IGLL5: variants seen among roughly 807,000 people sequenced by gnomAD.
The protein encoded by IGLL5 is immunoglobulin lambda-like polypeptide 5.
In IGLL5, 30 loss-of-function variants were observed where a neutral mutation model predicts 20.9. That is an observed-to-expected ratio of 1.44 (90% CI 1.07 to 1.95). The LOEUF (loss-of-function observed/expected upper bound fraction) is 1.95. IGLL5 is among the 30% of genes most tolerant of loss of function. The pLI, the probability that IGLL5 is intolerant of heterozygous loss-of-function variation, is 0.00. For missense variants in IGLL5, 475 were observed against 270.7 expected (o/e 1.75, Z -5.30); for synonymous variants, 203 against 117.3 (o/e 1.73, Z -4.72).
rs2066741427 is a variant in IGLL5 at position 22,895,335 on chromosome 22, TTC to T, written c.326-38_326-37del. On this transcript the variant is annotated intron_variant, in intron 2 of 2. Transcript: ENST00000526893. ...AGAGGGGCTCCACAACACCCCGGTA[TTC>T]TGTCTGCCCTCTCTCACCCCCTTCC... is the stretch of plus-strand genomic sequence containing the variant. 7.6e-6 allele frequency: 12 copies of T among 1,575,292 alleles called. No individual in the cohort carries two copies. In the South Asian group the frequency reaches 1.2e-4, roughly 16 times the overall value.
At chr22:22,889,517 A>C (rs2067728454) in intron 1 of IGLL5, among the ~76,000 whole-genome samples, 2 of 151,350 alleles carry the variant, frequency 1.3e-5, no homozygotes, top group South Asian at 2.1e-4. Context: ...ATTATTAGTG[A>C]TGGGAGAAAA....
intron 1 of IGLL5, among the ~76,000 whole-genome samples, chr22:22,888,816 G>A (rs2067650971): frequency 1.3e-5 from 2 of 151,448 alleles, no homozygotes; most frequent in East Asian, 2.0e-4. Flanking sequence ...GAGCTGTCCA[G>A]TCATTGGAAC....
At chr22:22,888,819 A>T (rs1393217214) in intron 1 of IGLL5, among the ~76,000 whole-genome samples, 4 of 151,392 alleles carry the variant, frequency 2.6e-5, no homozygotes, top group South Asian at 2.1e-4. Context: ...CTGTCCAGTC[A>T]TTGGAACAGG....
intron 1 of IGLL5, among the ~76,000 whole-genome samples, 177 bp downstream of exon 1, chr22:22,888,436 A>C (rs143682027): frequency 9.2e-5 from 14 of 151,366 alleles, no homozygotes; most frequent in Middle Eastern, 3.7e-3. Flanking sequence ...TGTTTGAATT[A>C]CTGTTTTTAA....
chr22:22,887,960 G>C lies in IGLL5; in HGVS notation c.-94G>C. 9.9e-7 allele frequency: 1 copy of C among 1,011,880 alleles called. No individual in the cohort carries two copies. Among genetic ancestry groups the C allele is most frequent in the South Asian group, 1.4e-5 (1 of 72,886 alleles). 62.7% of individuals were successfully genotyped at this position (1,011,880 alleles called of 1,614,324 possible). A position where few individuals can be genotyped will look rare whatever the true frequency, so the allele number is the denominator to read the frequency against. On this transcript the variant is annotated 5_prime_UTR_variant, in exon 1 of 3. Transcript: ENST00000526893. Reference sequence around the variant, plus strand: ...CAGAGCCAATGGACTGGGGTGTACTGTAACAGCCCTGCTGGCGAGAGGGAC... The same window carrying C: ...CAGAGCCAATGGACTGGGGTGTACTCTAACAGCCCTGCTGGCGAGAGGGAC...
At chr22:22,888,623 T>G (rs2067623660) in intron 1 of IGLL5, among the ~76,000 whole-genome samples, 6 of 151,276 alleles carry the variant, frequency 4.0e-5, no homozygotes, top group East Asian at 4.1e-4. Context: ...TGCCCAGGCC[T>G]GTTCCTCCCC....
At chr22:22,894,291 A>C (rs1601625342) in intron 2 of IGLL5, among the ~76,000 whole-genome samples, 2 of 151,284 alleles carry the variant, frequency 1.3e-5, no homozygotes, top group African/African-American at 2.4e-5. Flanking sequence ...GGAGGGCCAC[A>C]CGGCCTGGTG....
At chr22:22,891,912 T>C (rs529888277) in intron 1 of IGLL5, among the ~76,000 whole-genome samples, 14 of 151,294 alleles carry the variant, frequency 9.3e-5, no homozygotes, top group African/African-American at 3.4e-4. Flanking sequence ...TCCGTGTGTG[T>C]GTGTGTGTTT....
At chr22:22,894,111 T>C (rs935400292) in intron 2 of IGLL5, among the ~76,000 whole-genome samples, 10 of 151,316 alleles carry the variant, frequency 6.6e-5, no homozygotes, top group South Asian at 2.1e-4. Flanking sequence ...CAGAGGCTGG[T>C]TCTGATGAGG....
At chr22:22,889,345 A>C (rs9620187) in intron 1 of IGLL5, among the ~76,000 whole-genome samples, 1 of 151,108 alleles carries the variant, frequency 6.6e-6, no homozygotes, top group Admixed American at 6.6e-5. Flanking sequence ...GTCTATGGGC[A>C]TTAAAAATGT....
intron 1 of IGLL5, among the ~76,000 whole-genome samples, chr22:22,892,489 T>G (rs2067880271): frequency 1.3e-5 from 2 of 151,006 alleles, no homozygotes; most frequent in African/African-American, 2.4e-5. Context: ...TGTGTCATGC[T>G]AGGATGTCTA....
At chr22:22,894,454 G>C (rs144126173) in intron 2 of IGLL5, among the ~76,000 whole-genome samples, 1 of 151,476 alleles carries the variant, frequency 6.6e-6, no homozygotes, top group African/African-American at 2.4e-5. Flanking sequence ...AACCCTCCCA[G>C]GACAGTCACC....
rs1172670567 is a variant in IGLL5 at position 22,893,639 on chromosome 22, CT to C, written c.207-60del. ...CACCTCTAGGGGGCTGGCCACCCCC[CT>C]GCCTCATGTCTAGGTCCCAGCCCCG... is the stretch of plus-strand genomic sequence containing the variant. On this transcript the variant is annotated intron_variant, in intron 1 of 2. Transcript: ENST00000526893. 18 of 1,056,612 alleles carry C rather than the reference CT, an allele frequency of 1.7e-5. No individual in the cohort carries two copies. The East Asian group carries it at 4.1e-4, about 24-fold the overall frequency. The allele number at this position is 1,056,612 out of a possible 1,614,324, so 65.5% of individuals were successfully genotyped here.
intron 2 of IGLL5, 112 bp downstream of exon 2, chr22:22,893,930 C>G (rs2067950498): frequency 2.5e-6 from 2 of 799,922 alleles, no homozygotes; most frequent in Non-Finnish European, 4.4e-6. Flanking sequence ...TAAGCACTGA[C>G]CCTTACCTTT....
chr22:22,889,424 T>C lies in IGLL5; in HGVS notation c.206+1165T>C, dbSNP rs547554549. Among the ~76,000 whole-genome samples the C allele has an allele frequency of 6.0e-5, 9 of 151,258 alleles. 1 individual carries two copies. The highest frequency in any genetic ancestry group is 3.8e-3 in the Middle Eastern group (1 of 266). ...GTTTATCTAAACTGGGCAATTCCAC[T>C]TCTAGGAATTTATCCTAAGGGTTGG... On this transcript the variant is annotated intron_variant, in intron 1 of 2. Transcript: ENST00000526893.
chr22:22,888,293 T>C lies in IGLL5; in HGVS notation c.206+34T>C, dbSNP rs556107715. On this transcript the variant is annotated intron_variant, in intron 1 of 2. Transcript: ENST00000526893. Reference sequence around the variant, plus strand: ...CAAGAGATTCCAGGGGATGTGGGGGTCCTGCAGCAGAGCTGGGAAAGGGTG... The same window carrying C: ...CAAGAGATTCCAGGGGATGTGGGGGCCCTGCAGCAGAGCTGGGAAAGGGTG... 11 of 1,537,646 alleles carry C rather than the reference T, an allele frequency of 7.2e-6. No homozygotes were observed. In the East Asian group the frequency reaches 7.4e-5, roughly 10 times the overall value.
rs763474712 is a variant in IGLL5, at chr22:22,888,168, C to G, written c.115C>G (p.Leu39Val). 1.2e-5 allele frequency: 18 copies of G among 1,549,014 alleles called. 1 individual carries two copies. Among genetic ancestry groups the G allele is most frequent in the Admixed American group, 5.9e-5 (3 of 50,784 alleles). ...TCTGGCCATGGTCGCCCATGGCCTGCTGCGCCCAATGGTTGCACCGCAAAG... is the reference window on the plus strand; with the variant it reads ...TCTGGCCATGGTCGCCCATGGCCTGGTGCGCCCAATGGTTGCACCGCAAAG... ...LGLAMVAHGL[L>V]RPMVAPQSGD... The change falls in exon 1 of 3, where the codon CTG (leucine) becomes GTG (valine). Residue 39 changes from leucine (L) to valine (V), a missense_variant. By Grantham distance (32) the Leu-to-Val change is conservative. Coordinates refer to ENST00000526893, the MANE Select transcript of IGLL5 (RefSeq NM_001178126.2).
chr22:22,890,553 T>TGTG (rs2067806017), intron 1 of IGLL5, among the ~76,000 whole-genome samples: 2 of 120,930 alleles, frequency 1.7e-5, no homozygotes, highest in Admixed American at 9.1e-5. Context: ...CAGTGGAAAT[T>TGTG]TGTGTGTGTG....
At chr22:22,894,540 C>T (rs773916552) in intron 2 of IGLL5, among the ~76,000 whole-genome samples, 6 of 151,554 alleles carry the variant, frequency 4.0e-5, no homozygotes, top group African/African-American at 7.3e-5. Context: ...CAGTGTCTCT[C>T]TGTTCACGGA....
Sources: allele counts gnomAD v4.1 joint callset (sites outside exome capture counted in the v4.1 genomes callset), GRCh38; gene constraint gnomAD v4.1.1; transcripts MANE v1.5; gene names NCBI Gene and HGNC (gene_info 2026-07-23, HGNC 2026-07-21).